DLG2: variants seen among roughly 807,000 people sequenced by gnomAD.
DLG2 encodes discs large MAGUK scaffold protein 2, also known as disks large homolog 2.
A neutral mutation model predicts 132.5 loss-of-function variants in DLG2; 45 were observed. The observed-to-expected ratio is 0.34, with a 90% CI of 0.27 to 0.44. DLG2 has a LOEUF of 0.44. Among genes scored for constraint, DLG2 ranks in the 20% least tolerant of loss-of-function variants. DLG2 has a pLI of 1.00. For missense variants in DLG2, 1,045 were observed against 1,196.9 expected, an observed-to-expected ratio of 0.87 and a Z score of 1.87; for synonymous variants, 424 against 419.6, an observed-to-expected ratio of 1.01 and a Z score of -0.13.
chr11:84,806,396 T>C (rs1461483941), intron 6 of DLG2, among the ~76,000 whole-genome samples: 1 of 152,190 alleles, frequency 6.6e-6, no homozygotes, highest in African/African-American at 2.4e-5. Flanking sequence ...TAGTCAATTT[T>C]ATGAAAACTA....
chr11:83,568,786 G>T (rs1372561952), intron 19 of DLG2, among the ~76,000 whole-genome samples: 1 of 152,128 alleles, frequency 6.6e-6, no homozygotes, highest in Non-Finnish European at 1.5e-5. Flanking sequence ...TCCCCTCCCA[G>T]GTTGTCATGA....
intron 25 of DLG2, among the ~76,000 whole-genome samples, chr11:83,468,642 G>T (rs939936344): frequency 6.6e-6 from 1 of 152,158 alleles, no homozygotes; most frequent in Admixed American, 6.5e-5. Context: ...TCTGTAGGCA[G>T]ATTGTGTAGC....
chr11:84,242,653 A>G (rs965188721), intron 8 of DLG2, among the ~76,000 whole-genome samples: 7 of 152,014 alleles, frequency 4.6e-5, no homozygotes, highest in Non-Finnish European at 8.8e-5. Context: ...TAATTTGCCC[A>G]CCTCGGCCTC....
At chr11:85,249,619 GA>G in intron 4 of DLG2, among the ~76,000 whole-genome samples, 1 of 152,162 alleles carries the variant, frequency 6.6e-6, no homozygotes, top group Middle Eastern at 3.4e-3. Context: ...TCAGAGGCCT[GA>G]AAAAATGCAG....
At chr11:84,958,998 C>T (rs2052123561) in intron 6 of DLG2, among the ~76,000 whole-genome samples, 1 of 152,136 alleles carries the variant, frequency 6.6e-6, no homozygotes, top group African/African-American at 2.4e-5. Context: ...CATCTGGGTC[C>T]TTTGGACAGC....
intron 6 of DLG2, among the ~76,000 whole-genome samples, chr11:84,932,625 C>T (rs2048234633): frequency 1.3e-5 from 2 of 152,136 alleles, no homozygotes. Flanking sequence ...GTTTTCTGTT[C>T]CTGTGTTAGT....
At chr11:85,453,849 C>G (rs564894591) in intron 3 of DLG2, among the ~76,000 whole-genome samples, 2 of 152,036 alleles carry the variant, frequency 1.3e-5, no homozygotes, top group African/African-American at 4.8e-5. Flanking sequence ...AACTGTGTCA[C>G]AGGGGTTTGG....
intron 18 of DLG2, among the ~76,000 whole-genome samples, chr11:83,767,788 C>T (rs958278743): frequency 2.6e-5 from 4 of 152,058 alleles, no homozygotes; most frequent in Admixed American, 6.6e-5. Context: ...TAATACCTCC[C>T]GGATACTTTC....
chr11:83,766,093 T>C (rs2094130320), intron 18 of DLG2, among the ~76,000 whole-genome samples: 1 of 141,858 alleles, frequency 7.0e-6, no homozygotes. Context: ...TTCCACTGAA[T>C]GCTTTTTTTT....
At chr11:84,587,588 T>C (rs2099532713) in intron 6 of DLG2, among the ~76,000 whole-genome samples, 1 of 152,224 alleles carries the variant, frequency 6.6e-6, no homozygotes, top group African/African-American at 2.4e-5. Context: ...TGTGTTTTTC[T>C]GGTTTTTAAA....
intron 3 of DLG2, among the ~76,000 whole-genome samples, chr11:85,431,589 G>T (rs115024370): frequency 3.3e-5 from 5 of 152,212 alleles, no homozygotes; most frequent in Admixed American, 6.5e-5. Context: ...GAGCTCCTTG[G>T]GGGAGGGGTG....
chr11:84,852,414 C>A (rs2082266510), intron 6 of DLG2, among the ~76,000 whole-genome samples: 1 of 151,918 alleles, frequency 6.6e-6, no homozygotes, highest in African/African-American at 2.4e-5. Context: ...ATGCTAACAC[C>A]AGCCTATTGA....
rs550284177 is a variant in DLG2 at position 84,659,709 on chromosome 11, G to A, written c.358-124978C>T. ...TATAAGATGCTAAACCAACTATGAG[G>A]TATATGAGGGCCCACAGTTCATATA... is the stretch of plus-strand genomic sequence containing the variant. On this transcript the variant is annotated intron_variant, in intron 6 of 27. Transcript: ENST00000376104. Among the ~76,000 whole-genome samples, 14 of 152,192 alleles carry A rather than the reference G, an allele frequency of 9.2e-5. No homozygotes were observed. The South Asian group carries it at 2.9e-3, about 32-fold the overall frequency.
chr11:83,828,935 C>A (rs1019519544), intron 17 of DLG2, among the ~76,000 whole-genome samples: 11 of 151,878 alleles, frequency 7.2e-5, no homozygotes, highest in Admixed American at 3.9e-4. Flanking sequence ...CATAGTAAGC[C>A]ATTAATAACT....
Position 83,776,443 on chromosome 11 carries a change from C to T in DLG2, c.1825+10247G>A, listed in dbSNP as rs2094586465. ...TGCCACCATGCTTATCCAACTAGCACCATCTCTCACACAGACTCATGCCTT... is the reference window on the plus strand; with the variant it reads ...TGCCACCATGCTTATCCAACTAGCATCATCTCTCACACAGACTCATGCCTT... On this transcript the variant is annotated intron_variant, in intron 18 of 27. Coordinates refer to ENST00000376104, the MANE Select transcript of DLG2 (RefSeq NM_001142699.3). 1.3e-5 allele frequency among the ~76,000 whole-genome samples: 2 copies of T among 152,202 alleles called. 1 individual carries two copies. The highest frequency in any genetic ancestry group is 4.8e-5 in the African/African-American group (2 of 41,454).
At chr11:83,739,954 G>T (rs1179153492) in intron 18 of DLG2, among the ~76,000 whole-genome samples, 2 of 152,164 alleles carry the variant, frequency 1.3e-5, no homozygotes, top group Non-Finnish European at 2.9e-5. Context: ...TCTGAGGAGA[G>T]CAAATTTTAG....
At chr11:84,601,828 A>C (rs1028788544) in intron 6 of DLG2, among the ~76,000 whole-genome samples, 1 of 152,044 alleles carries the variant, frequency 6.6e-6, no homozygotes, top group Non-Finnish European at 1.5e-5. Context: ...ATTATTTATT[A>C]ATATTGCTAA....
At chr11:83,972,437 C>T (rs2091502913) in intron 12 of DLG2, among the ~76,000 whole-genome samples, 1 of 152,106 alleles carries the variant, frequency 6.6e-6, no homozygotes, top group South Asian at 2.1e-4. Flanking sequence ...AGACATCATG[C>T]TTTGTTGATC....
chr11:84,609,523 C>T (rs188670756), intron 6 of DLG2, among the ~76,000 whole-genome samples: 1 of 152,108 alleles, frequency 6.6e-6, no homozygotes, highest in African/African-American at 2.4e-5. Context: ...TAAGGTCAAC[C>T]CAAGCCAATG....
Sources: allele counts gnomAD v4.1 joint callset (sites outside exome capture counted in the v4.1 genomes callset), GRCh38; gene constraint gnomAD v4.1.1; transcripts MANE v1.5; gene names NCBI Gene and HGNC (gene_info 2026-07-23, HGNC 2026-07-21).